The following GRM7 variants were observed in gnomAD, a reference collection of about 807,000 sequenced individuals.
GRM7 encodes the protein metabotropic glutamate receptor 7.
A neutral mutation model predicts 84.5 loss-of-function variants in GRM7; 35 were observed. That is an observed-to-expected ratio of 0.41 (90% CI 0.32 to 0.55). The LOEUF is 0.55. Among genes scored for constraint, GRM7 ranks in the 20% least tolerant of loss-of-function variants. GRM7 has a pLI of 0.19. For missense variants in GRM7, 1,003 were observed against 1,194.6 expected (o/e 0.84, Z 2.36); for synonymous variants, 487 against 455.1 (o/e 1.07, Z -0.89).
chr3:7,531,566 T>C (rs1701037409), intron 7 of GRM7, among the ~76,000 whole-genome samples: 1 of 152,140 alleles, frequency 6.6e-6, no homozygotes, highest in African/African-American at 2.4e-5. Context: ...TTAATTGTCT[T>C]GTAGCAATTG....
At chr3:7,654,066 G>A (rs915387883) in intron 8 of GRM7, among the ~76,000 whole-genome samples, 2 of 147,578 alleles carry the variant, frequency 1.4e-5, no homozygotes, top group Admixed American at 6.9e-5. Flanking sequence ...GCTAATAGCT[G>A]TCCTACCTTA....
intron 7 of GRM7, among the ~76,000 whole-genome samples, chr3:7,476,637 T>C (rs1698932910): frequency 6.6e-6 from 1 of 152,210 alleles, no homozygotes; most frequent in African/African-American, 2.4e-5. Flanking sequence ...TTGTTGTTGC[T>C]ACTTTTTCTG....
At chr3:7,549,539 A>G (rs1693340293) in intron 7 of GRM7, among the ~76,000 whole-genome samples, 1 of 152,206 alleles carries the variant, frequency 6.6e-6, no homozygotes, top group African/African-American at 2.4e-5. Context: ...AAGCACCTTA[A>G]CTATTATCAG....
intron 5 of GRM7, among the ~76,000 whole-genome samples, chr3:7,446,325 C>A (rs547579779): frequency 6.6e-6 from 1 of 152,250 alleles, no homozygotes; most frequent in Non-Finnish European, 1.5e-5. Flanking sequence ...TCTGCTGAAT[C>A]TTTCTGGCAT....
chr3:6,961,852 A>G (rs811923), intron 1 of GRM7, among the ~76,000 whole-genome samples: 46,547 of 151,822 alleles, frequency 0.31, 7,650 homozygotes, highest in African/African-American at 0.44. Context: ...CAGCATATGG[A>G]TCTGTACTAG....
chr3:7,283,326 G>A (rs1016848811), intron 2 of GRM7, among the ~76,000 whole-genome samples: 1 of 152,046 alleles, frequency 6.6e-6, no homozygotes, highest in Non-Finnish European at 1.5e-5. Context: ...GTTTAAGTTA[G>A]ATAATGCGTA....
chr3:7,394,682 A>G (rs1245340772), intron 4 of GRM7, among the ~76,000 whole-genome samples: 2 of 152,078 alleles, frequency 1.3e-5, no homozygotes, highest in African/African-American at 2.4e-5. Flanking sequence ...ATGATTTTTC[A>G]GCAACTTCGT....
intron 4 of GRM7, among the ~76,000 whole-genome samples, chr3:7,412,452 C>T (rs1295009636): frequency 6.6e-6 from 1 of 152,162 alleles, no homozygotes; most frequent in Non-Finnish European, 1.5e-5. Flanking sequence ...AGAGCTTTTA[C>T]TCTCTCTCAC....
At position 7,227,496 on chromosome 3, in the gene GRM7, C is replaced by CAAA. The variant is rs1697021890; in HGVS notation, c.737-71188_737-71187insAAA. On this transcript the variant is annotated intron_variant, in intron 2 of 9. Coordinates refer to ENST00000357716, the MANE Select transcript of GRM7 (RefSeq NM_000844.4). ...GACCTCCTATTGTATCGCATGCCTA[C>CAAA]TTTTTTCAGTACATCTTTGCACAAA... Among the ~76,000 whole-genome samples the CAAA allele has an allele frequency of 1.6e-4, 24 of 152,240 alleles. No homozygotes were observed. In the South Asian group the frequency reaches 5.0e-3, roughly 32 times the overall value.
intron 2 of GRM7, among the ~76,000 whole-genome samples, chr3:7,198,486 A>T (rs1408320810): frequency 6.6e-6 from 1 of 152,134 alleles, no homozygotes; most frequent in African/African-American, 2.4e-5. Context: ...ATGCTCCTTG[A>T]CTTATAATGG....
chr3:7,367,545 T>C (rs1693946340), intron 4 of GRM7, among the ~76,000 whole-genome samples: 1 of 151,958 alleles, frequency 6.6e-6, no homozygotes, highest in East Asian at 1.9e-4. Flanking sequence ...TATTTCCCTT[T>C]TCCTCTTATT....
At chr3:7,392,195 G>T (rs901034693) in intron 4 of GRM7, among the ~76,000 whole-genome samples, 2 of 152,090 alleles carry the variant, frequency 1.3e-5, no homozygotes, top group African/African-American at 4.8e-5. Context: ...ACTGACCAAG[G>T]GAGCAGACTA....
At chr3:6,868,807 G>A (rs902173702) in intron 1 of GRM7, among the ~76,000 whole-genome samples, 1 of 152,116 alleles carries the variant, frequency 6.6e-6, no homozygotes, top group Non-Finnish European at 1.5e-5. Flanking sequence ...GGGAAGGGTA[G>A]GAGAGTTTTC....
At chr3:6,906,614 A>C (rs1696586727) in intron 1 of GRM7, among the ~76,000 whole-genome samples, 1 of 152,164 alleles carries the variant, frequency 6.6e-6, no homozygotes, top group Non-Finnish European at 1.5e-5. Flanking sequence ...AGACTTAGAC[A>C]AATGGGTCCT....
intron 1 of GRM7, among the ~76,000 whole-genome samples, chr3:6,949,262 A>T (rs1575054749): frequency 6.6e-6 from 1 of 152,222 alleles, no homozygotes; most frequent in East Asian, 1.9e-4. Context: ...TGGTGACAAA[A>T]TCTCTCAGCA....
At chr3:7,250,501 A>T (rs572977572) in intron 2 of GRM7, among the ~76,000 whole-genome samples, 26 of 147,172 alleles carry the variant, frequency 1.8e-4, no homozygotes, top group East Asian at 8.0e-4. Flanking sequence ...ATTTTTATTT[A>T]TATTTGTTTA....
At chr3:7,395,720 A>T (rs1575272429) in intron 4 of GRM7, among the ~76,000 whole-genome samples, 1 of 152,138 alleles carries the variant, frequency 6.6e-6, no homozygotes, top group African/African-American at 2.4e-5. Flanking sequence ...TTCGCTTTCC[A>T]CCATGATTAT....
At chr3:7,295,832 G>C (rs1699795668) in intron 2 of GRM7, among the ~76,000 whole-genome samples, 1 of 151,238 alleles carries the variant, frequency 6.6e-6, no homozygotes, top group African/African-American at 2.4e-5. Context: ...TTTTTTGGGG[G>C]GGGGATTTCT....
chr3:6,869,581 G>A (rs28576822), intron 1 of GRM7, among the ~76,000 whole-genome samples: 62 of 150,774 alleles, frequency 4.1e-4, no homozygotes, highest in African/African-American at 1.2e-3. Context: ...CTATCTATCT[G>A]TCTATCTATC....
Sources: gnomAD v4.1 joint callset for allele counts (sites outside exome capture counted in the v4.1 genomes callset) on GRCh38, gnomAD v4.1.1 for gene constraint, MANE v1.5 for transcripts, NCBI Gene and HGNC (gene_info 2026-07-23, HGNC 2026-07-21) for gene names.